The following LCP1 variants were observed in gnomAD, a reference collection of about 807,000 sequenced individuals.
The protein encoded by LCP1 is lymphocyte cytosolic protein 1, also known as plastin-2.
In LCP1, 23 loss-of-function variants were observed where a neutral mutation model predicts 72.0. That is an observed-to-expected ratio of 0.32 (90% CI 0.23 to 0.45). LCP1 has a LOEUF of 0.45. LCP1 is among the 20% of genes least tolerant of loss of function. The pLI is 1.00. For missense variants in LCP1, 571 were observed against 748.3 expected (o/e 0.76, Z 2.76); for synonymous variants, 245 against 275.4 (o/e 0.89, Z 1.09).
At chr13:46,146,244 T>C (rs930979661) in intron 10 of LCP1, among the ~76,000 whole-genome samples, 5 of 152,234 alleles carry the variant, frequency 3.3e-5, no homozygotes, top group African/African-American at 1.2e-4. Flanking sequence ...GATCAACTCA[T>C]ACTTCAAATC....
At position 46,148,546 on chromosome 13, in the gene LCP1, C is replaced by T. The variant is rs77588438; in HGVS notation, c.883-99G>A. The T allele has an allele frequency of 3.4e-4, 257 of 760,074 alleles. 1 individual carries two copies. The African/African-American group carries it at 4.1e-3, about 12-fold the overall frequency. 47.1% of individuals were successfully genotyped at this position (760,074 alleles called of 1,614,324 possible). A position where few individuals can be genotyped will look rare whatever the true frequency, so the allele number is the denominator to read the frequency against. Reference sequence around the variant, plus strand: ...AAAAGCAAACATTTTATTTCATATTCAGCTATCATTCCAGAATGTAACTTA... The same window carrying T: ...AAAAGCAAACATTTTATTTCATATTTAGCTATCATTCCAGAATGTAACTTA... On this transcript the variant is annotated intron_variant, in intron 8 of 15. Transcript: ENST00000323076.
chr13:46,176,875 T>TTGTGTGTGTGTGTGTG (rs58990974), intron 1 of LCP1, among the ~76,000 whole-genome samples: 34 of 143,746 alleles, frequency 2.4e-4, no homozygotes, highest in African/African-American at 8.2e-4. Context: ...GTGTGTTTAT[T>TTGTGTGTGTGTGTGTG]TGTGTGTGTG....
chr13:46,177,879 T>A (rs758409436), intron 1 of LCP1, among the ~76,000 whole-genome samples: 6 of 151,352 alleles, frequency 4.0e-5, no homozygotes, highest in Non-Finnish European at 7.4e-5. Flanking sequence ...CTGATGGTGA[T>A]GATAATGATG....
intron 13 of LCP1, among the ~76,000 whole-genome samples, chr13:46,141,329 C>A (rs187018941): frequency 6.9e-6 from 1 of 145,354 alleles, no homozygotes; most frequent in Non-Finnish European, 1.5e-5. Flanking sequence ...TCACTTGGAC[C>A]CAGGAGGTGG....
chr13:46,180,412 T>G (rs2045950815), intron 1 of LCP1, among the ~76,000 whole-genome samples: 1 of 152,192 alleles, frequency 6.6e-6, no homozygotes, highest in South Asian at 2.1e-4. Context: ...GGTTCAGAGA[T>G]AGAATTATAA....
chr13:46,143,524 G>T, intron 11 of LCP1, 120 bp from the exon 12 acceptor site: 1 of 634,318 alleles, frequency 1.6e-6, no homozygotes, highest in Non-Finnish European at 2.8e-6. Context: ...CTGCACACTT[G>T]GTAGTCGTAG....
chr13:46,154,666 C>A, intron 6 of LCP1, 139 bp downstream of exon 6: 1 of 657,320 alleles, frequency 1.5e-6, no homozygotes, highest in South Asian at 1.9e-5. Flanking sequence ...CCCTTTATCC[C>A]TGAAGTATGA....
chr13:46,153,967 T>C (rs1456817065), intron 6 of LCP1, among the ~76,000 whole-genome samples: 1 of 152,102 alleles, frequency 6.6e-6, no homozygotes, highest in Non-Finnish European at 1.5e-5. Flanking sequence ...GGAAGAGATA[T>C]CAATGTCAGA....
chr13:46,142,711 T>C (rs766721995), intron 12 of LCP1: 4 of 529,602 alleles, frequency 7.6e-6, no homozygotes, highest in Non-Finnish European at 1.4e-5. Context: ...TGGAGAGCCA[T>C]CCTTAATTAC....
At chr13:46,139,065 T>G (rs1020325903) in intron 13 of LCP1, among the ~76,000 whole-genome samples, 1 of 152,224 alleles carries the variant, frequency 6.6e-6, no homozygotes, top group South Asian at 2.1e-4. Context: ...AAGCAATCAG[T>G]ATGAATTGCT....
chr13:46,162,175 T>G (rs1175704291), intron 1 of LCP1, among the ~76,000 whole-genome samples: 2 of 152,010 alleles, frequency 1.3e-5, no homozygotes, highest in African/African-American at 4.8e-5. Flanking sequence ...CTACTCGGGT[T>G]CTCTGCCTTC....
chr13:46,151,130 G>A (rs768086196), intron 7 of LCP1, 52 bp from the exon 8 acceptor site: 5 of 1,567,284 alleles, frequency 3.2e-6, no homozygotes, highest in Non-Finnish European at 4.3e-6. Flanking sequence ...GTTGGGGGAG[G>A]GGGGTTGGTT....
intron 12 of LCP1, chr13:46,142,648 T>G: frequency 1.7e-6 from 1 of 581,028 alleles, no homozygotes; most frequent in East Asian, 3.3e-5. Flanking sequence ...TGTGGAAAAC[T>G]GAAATGAATT....
intron 1 of LCP1, among the ~76,000 whole-genome samples, chr13:46,172,766 G>GGTTT (rs3837566): frequency 0.22 from 32,963 of 151,960 alleles, 3,918 homozygotes; most frequent in East Asian, 0.33. Flanking sequence ...AAACCATTTT[G>GGTTT]GTTTGTGTGT....
At chr13:46,132,182 A>G (rs1009461730) in intron 14 of LCP1, among the ~76,000 whole-genome samples, 3 of 152,130 alleles carry the variant, frequency 2.0e-5, no homozygotes, top group Non-Finnish European at 2.9e-5. Flanking sequence ...ACAAGGAGCA[A>G]AAGAATTGCC....
chr13:46,126,844 A>G lies in LCP1; in HGVS notation c.*747T>C, dbSNP rs987518619. ...TATTCAAGATGTTAGATCTGGTCCAAGCCCAAATTCTAGAGTTAAAAGCAG... is the reference window on the plus strand; with the variant it reads ...TATTCAAGATGTTAGATCTGGTCCAGGCCCAAATTCTAGAGTTAAAAGCAG... On this transcript the variant is annotated 3_prime_UTR_variant, in exon 16 of 16. Coordinates refer to ENST00000323076, the MANE Select transcript of LCP1 (RefSeq NM_002298.5). 25 of 231,158 alleles carry G rather than the reference A, an allele frequency of 1.1e-4. No individual in the cohort carries two copies. The highest frequency in any genetic ancestry group is 4.0e-4 in the African/African-American group (18 of 45,370). The allele number at this position is 231,158 out of a possible 1,614,324, so 14.3% of individuals were successfully genotyped here.
chr13:46,162,377 A>G (rs1315268503), intron 1 of LCP1, among the ~76,000 whole-genome samples: 2 of 150,982 alleles, frequency 1.3e-5, no homozygotes, highest in East Asian at 2.0e-4. Flanking sequence ...CTGCTGCCGT[A>G]TGGGCTCACT....
At chr13:46,127,837 A>G in intron 15 of LCP1, 114 bp from the exon 16 acceptor site, 1 of 1,217,720 alleles carries the variant, frequency 8.2e-7, no homozygotes. Flanking sequence ...TCACTCCTGC[A>G]GTGGCTGGAG....
chr13:46,159,009 C>T lies in LCP1; in HGVS notation c.65-20G>A, dbSNP rs1307696950. 1.2e-6 allele frequency: 2 copies of T among 1,612,990 alleles called. No individual in the cohort carries two copies. The highest frequency in any genetic ancestry group is 8.5e-7 in the Non-Finnish European group (1 of 1,179,574). Reference sequence around the variant, plus strand: ...CAGTATCTGTAATGTACACAATATACTGAAGCTTCAGGACGATTCAGGCAA... The same window carrying T: ...CAGTATCTGTAATGTACACAATATATTGAAGCTTCAGGACGATTCAGGCAA... On this transcript the variant is annotated intron_variant, in intron 2 of 15. Coordinates refer to ENST00000323076, the MANE Select transcript of LCP1 (RefSeq NM_002298.5).
Sources: allele counts gnomAD v4.1 joint callset (sites outside exome capture counted in the v4.1 genomes callset), GRCh38; gene constraint gnomAD v4.1.1; transcripts MANE v1.5; gene names NCBI Gene and HGNC (gene_info 2026-07-23, HGNC 2026-07-21).